The following LCLAT1 variants were observed in gnomAD, a reference collection of about 807,000 sequenced individuals.
LCLAT1 encodes lysocardiolipin acyltransferase 1.
A neutral mutation model predicts 30.7 loss-of-function variants in LCLAT1; 11 were observed. That is an observed-to-expected ratio of 0.36 (90% CI 0.23 to 0.59). LCLAT1 has a LOEUF of 0.59. LCLAT1 is among the 20% of genes least tolerant of loss of function. LCLAT1 has a pLI of 0.77. For missense variants in LCLAT1, 402 were observed against 458.6 expected, an observed-to-expected ratio of 0.88 and a Z score of 1.13; for synonymous variants, 155 against 151.3, an observed-to-expected ratio of 1.02 and a Z score of -0.18.
Position 30,562,262 on chromosome 2 carries a change from C to A in LCLAT1, c.481C>A (p.Leu161Ile). ...FCDIHEPLQL[L>I]IFPEGTDLTE... The stretch of plus-strand genomic sequence containing the variant: ...TGATATTCACGAACCACTTCAACTC[C>A]TCATATTCCCAGAAGGGACTGATCT... Residue 161 changes from leucine (L) to isoleucine (I), a missense_variant, in exon 4 of 6, where the codon CTC (leucine) becomes ATC (isoleucine). Coordinates refer to ENST00000379509, the MANE Select transcript of LCLAT1 (RefSeq NM_001002257.3). 6.2e-7 allele frequency: 1 copy of A among 1,611,962 alleles called. No homozygotes were observed. Among genetic ancestry groups the A allele is most frequent in the Non-Finnish European group, 8.5e-7 (1 of 1,178,614 alleles).
intron 5 of LCLAT1, among the ~76,000 whole-genome samples, chr2:30,586,289 TC>T (rs1362316004): frequency 8.7e-5 from 13 of 149,458 alleles, no homozygotes; most frequent in Admixed American, 5.3e-4. Context: ...TCTCTCACAG[TC>T]TGTAAGCTAG....
intron 4 of LCLAT1, among the ~76,000 whole-genome samples, chr2:30,562,635 C>G (rs866365300): frequency 4.9e-4 from 74 of 152,294 alleles, no homozygotes; most frequent in Middle Eastern, 3.4e-3. Flanking sequence ...CAACTCCAAG[C>G]GGTCATATTA....
intron 5 of LCLAT1, among the ~76,000 whole-genome samples, chr2:30,613,353 A>G (rs1667830646): frequency 6.6e-6 from 1 of 152,144 alleles, no homozygotes; most frequent in South Asian, 2.1e-4. Flanking sequence ...CAGGTGGGCA[A>G]ACAGAGAAAC....
chr2:30,504,175 CATA>C (rs544751806), intron 1 of LCLAT1, among the ~76,000 whole-genome samples: 66 of 152,100 alleles, frequency 4.3e-4, no homozygotes, highest in Admixed American at 7.9e-4. Context: ...ACATATTACA[CATA>C]ATATGCATTA....
rs1008933428 is a variant in LCLAT1, at chr2:30,641,212, G to A, written c.*593G>A. On this transcript the variant is annotated 3_prime_UTR_variant, in exon 6 of 6. Coordinates refer to ENST00000379509, the MANE Select transcript of LCLAT1 (RefSeq NM_001002257.3). The stretch of plus-strand genomic sequence containing the variant: ...CATAACATTGTATGCTGACCAAGAC[G>A]TCAGAAGACCACCTGTGCCCTTTTC... 2 of 152,192 alleles carry A rather than the reference G, an allele frequency of 1.3e-5. No individual in the cohort carries two copies. Among genetic ancestry groups the A allele is most frequent in the Non-Finnish European group, 2.9e-5 (2 of 68,084 alleles). The allele number at this position is 152,192 out of a possible 1,614,324, so 9.4% of individuals were successfully genotyped here. A position where few individuals can be genotyped will look rare whatever the true frequency, so the allele number is the denominator to read the frequency against.
intron 2 of LCLAT1, among the ~76,000 whole-genome samples, chr2:30,532,138 G>A (rs1366498833): frequency 6.6e-6 from 1 of 151,876 alleles, no homozygotes; most frequent in African/African-American, 2.4e-5. Flanking sequence ...ATTTTTGTTT[G>A]TTTTGCTGTC....
At chr2:30,464,999 C>T (rs1682349709) in intron 1 of LCLAT1, among the ~76,000 whole-genome samples, 1 of 152,072 alleles carries the variant, frequency 6.6e-6, no homozygotes, top group Admixed American at 6.6e-5. Flanking sequence ...CATGAGCCAC[C>T]ATGCCTGGCC....
intron 4 of LCLAT1, among the ~76,000 whole-genome samples, chr2:30,567,283 T>C (rs1665531064): frequency 6.6e-6 from 1 of 152,206 alleles, no homozygotes; most frequent in Admixed American, 6.5e-5. Flanking sequence ...TTTCAGAAAA[T>C]GTATAAAAAT....
At chr2:30,621,658 G>C (rs945533849) in intron 5 of LCLAT1, among the ~76,000 whole-genome samples, 1 of 152,160 alleles carries the variant, frequency 6.6e-6, no homozygotes, top group Non-Finnish European at 1.5e-5. Flanking sequence ...TCCAGATCTT[G>C]TGAGATGGAT....
Position 30,609,986 on chromosome 2 carries a change from T to C in LCLAT1, c.629-30131T>C, listed in dbSNP as rs181783891. Among the ~76,000 whole-genome samples the C allele has an allele frequency of 2.0e-5, 3 of 152,244 alleles. No homozygotes were observed. In the East Asian group the frequency reaches 5.8e-4, roughly 29 times the overall value. ...TGATACTTTTGATGTGATGAATGCA[T>C]GTCTTAACATAATTTTAAGCACATA... On this transcript the variant is annotated intron_variant, in intron 5 of 5. Coordinates refer to ENST00000379509, the MANE Select transcript of LCLAT1 (RefSeq NM_001002257.3).
At chr2:30,505,089 C>T (rs1291412190) in intron 1 of LCLAT1, among the ~76,000 whole-genome samples, 2 of 152,154 alleles carry the variant, frequency 1.3e-5, no homozygotes, top group Non-Finnish European at 2.9e-5. Flanking sequence ...TTAGCTCTCT[C>T]CCCATCAGTG....
intron 5 of LCLAT1, among the ~76,000 whole-genome samples, chr2:30,587,251 A>G (rs1044525381): frequency 6.6e-6 from 1 of 152,214 alleles, no homozygotes; most frequent in African/African-American, 2.4e-5. Flanking sequence ...TAATTTTCTG[A>G]GATTTCAAGA....
At chr2:30,588,468 A>G (rs1405475104) in intron 5 of LCLAT1, among the ~76,000 whole-genome samples, 2 of 152,144 alleles carry the variant, frequency 1.3e-5, no homozygotes, top group Non-Finnish European at 2.9e-5. Flanking sequence ...GAAAATTTAT[A>G]CTGCAGATAT....
intron 5 of LCLAT1, among the ~76,000 whole-genome samples, chr2:30,613,368 T>G (rs932753920): frequency 2.6e-5 from 4 of 151,896 alleles, no homozygotes; most frequent in African/African-American, 9.7e-5. Flanking sequence ...AGAAACCAAT[T>G]AGAAAGTTAT....
chr2:30,598,098 T>C (rs1432306292), intron 5 of LCLAT1, among the ~76,000 whole-genome samples: 1 of 152,156 alleles, frequency 6.6e-6, no homozygotes, highest in African/African-American at 2.4e-5. Flanking sequence ...TGGCCTGAAG[T>C]TTTCTTTTTT....
At chr2:30,576,814 TTC>T (rs912401476) in intron 5 of LCLAT1, among the ~76,000 whole-genome samples, 4 of 152,060 alleles carry the variant, frequency 2.6e-5, no homozygotes, top group East Asian at 3.8e-4. Flanking sequence ...ATTCAAAATA[TTC>T]TGTCTGCATT....
chr2:30,560,584 G>C (rs1665165836), intron 3 of LCLAT1, among the ~76,000 whole-genome samples: 1 of 151,886 alleles, frequency 6.6e-6, no homozygotes, highest in Non-Finnish European at 1.5e-5. Context: ...GTGATCCATA[G>C]CCTCGGCCTC....
At chr2:30,539,684 T>C (rs903465395) in intron 3 of LCLAT1, among the ~76,000 whole-genome samples, 8 of 152,212 alleles carry the variant, frequency 5.3e-5, no homozygotes, top group African/African-American at 1.9e-4. Context: ...TTAATCATGG[T>C]CCATCTTAAA....
At chr2:30,533,366 C>A in intron 3 of LCLAT1, 52 bp downstream of exon 3, 1 of 1,438,898 alleles carries the variant, frequency 6.9e-7, no homozygotes, top group Non-Finnish European at 9.8e-7. Context: ...AGATGTAATG[C>A]ACCCACTGTA....
Sources: allele counts gnomAD v4.1 joint callset (sites outside exome capture counted in the v4.1 genomes callset), GRCh38; gene constraint gnomAD v4.1.1; transcripts MANE v1.5; gene names NCBI Gene and HGNC (gene_info 2026-07-23, HGNC 2026-07-21).